The following SBF2 variants were observed in gnomAD, a reference collection of about 807,000 sequenced individuals.
The protein encoded by SBF2 is myotubularin-related protein 13.
SBF2 carries 112 observed loss-of-function variants against 225.2 expected under a neutral mutation model. That is an observed-to-expected ratio of 0.50 (90% CI 0.43 to 0.58). The LOEUF is 0.58. Among genes scored for constraint, SBF2 ranks in the 20% least tolerant of loss-of-function variants. The pLI is 0.00. For missense variants in SBF2, 1,996 were observed against 2,206.2 expected, an observed-to-expected ratio of 0.90 and a Z score of 1.91; for synonymous variants, 763 against 773.3, an observed-to-expected ratio of 0.99 and a Z score of 0.22.
chr11:10,135,420 A>C (rs1335951984), intron 2 of SBF2, among the ~76,000 whole-genome samples: 1 of 152,154 alleles, frequency 6.6e-6, no homozygotes, highest in Non-Finnish European at 1.5e-5. Context: ...AGCTGGCTTG[A>C]ATTTCTCCTT....
chr11:10,283,088 T>C (rs186080555), intron 1 of SBF2, among the ~76,000 whole-genome samples: 37 of 152,332 alleles, frequency 2.4e-4, no homozygotes, highest in African/African-American at 8.7e-4. Flanking sequence ...AGAAGTCTTC[T>C]CTTTTTCCCT....
At chr11:10,128,058 A>G (rs545100078) in intron 2 of SBF2, among the ~76,000 whole-genome samples, 21 of 152,342 alleles carry the variant, frequency 1.4e-4, no homozygotes, top group African/African-American at 4.3e-4. Flanking sequence ...CAGTATTACT[A>G]TTAGAAGTGT....
At chr11:10,111,876 C>CA (rs1565241870) in intron 2 of SBF2, among the ~76,000 whole-genome samples, 1 of 151,722 alleles carries the variant, frequency 6.6e-6, no homozygotes, top group Non-Finnish European at 1.5e-5. Flanking sequence ...GACTCAGTCT[C>CA]AAAAAAACCA....
At chr11:9,989,830 A>G (rs1947348437) in intron 12 of SBF2, among the ~76,000 whole-genome samples, 2 of 152,216 alleles carry the variant, frequency 1.3e-5, no homozygotes, top group African/African-American at 4.8e-5. Context: ...CTTCTAGGGA[A>G]AAGTCATTTC....
intron 1 of SBF2, among the ~76,000 whole-genome samples, chr11:10,223,082 TA>T (rs1958398391): frequency 6.6e-6 from 1 of 152,006 alleles, no homozygotes; most frequent in Non-Finnish European, 1.5e-5. Flanking sequence ...AGAATACAAA[TA>T]AAAAGTAACT....
intron 21 of SBF2, 126 bp from the exon 22 acceptor site, chr11:9,850,344 C>T (rs994114249): frequency 1.6e-5 from 14 of 857,100 alleles, no homozygotes; most frequent in Non-Finnish European, 2.6e-5. Flanking sequence ...CAGCATCAAA[C>T]TCCTGGGCTC....
At chr11:10,080,796 C>T (rs555588937) in intron 2 of SBF2, among the ~76,000 whole-genome samples, 10 of 151,806 alleles carry the variant, frequency 6.6e-5, no homozygotes, top group South Asian at 2.1e-4. Context: ...AAAAATCAAA[C>T]GCAAGCAGAA....
chr11:10,112,515 T>C (rs1448426363), intron 2 of SBF2, among the ~76,000 whole-genome samples: 1 of 152,242 alleles, frequency 6.6e-6, no homozygotes, highest in Non-Finnish European at 1.5e-5. Flanking sequence ...GTAAGTCCAT[T>C]AAACTTCTTT....
chr11:9,860,743 T>C (rs1208555318), intron 17 of SBF2, among the ~76,000 whole-genome samples: 1 of 152,220 alleles, frequency 6.6e-6, no homozygotes, highest in Non-Finnish European at 1.5e-5. Flanking sequence ...CAGCATAACA[T>C]AATCAATGGC....
chr11:10,113,472 T>C (rs759635944), intron 2 of SBF2, among the ~76,000 whole-genome samples: 1 of 152,194 alleles, frequency 6.6e-6, no homozygotes, highest in Non-Finnish European at 1.5e-5. Flanking sequence ...AGAGCAAATA[T>C]AATTATCAAA....
intron 2 of SBF2, among the ~76,000 whole-genome samples, chr11:10,057,851 C>T (rs936957945): frequency 3.9e-5 from 6 of 152,160 alleles, no homozygotes; most frequent in Non-Finnish European, 8.8e-5. Flanking sequence ...GACCAATAAG[C>T]CTAAGTGTCA....
chr11:9,919,921 G>T (rs1863465739), intron 16 of SBF2, among the ~76,000 whole-genome samples: 2 of 151,708 alleles, frequency 1.3e-5, no homozygotes, highest in African/African-American at 4.8e-5. Flanking sequence ...AGTAGAGACA[G>T]GGGTTTCTCC....
intron 16 of SBF2, among the ~76,000 whole-genome samples, chr11:9,900,043 T>TAA (rs1564974879): frequency 0.019 from 1,760 of 92,784 alleles, 26 homozygotes; most frequent in African/African-American, 0.089. Context: ...TTTTTTTTTT[T>TAA]TAAAAAAAAA....
chr11:9,802,602 T>C (rs957028420), intron 32 of SBF2, among the ~76,000 whole-genome samples: 2 of 152,248 alleles, frequency 1.3e-5, no homozygotes, highest in Non-Finnish European at 2.9e-5. Context: ...CCTAGTTCTG[T>C]TGTGTGTCCC....
chr11:10,242,186 A>G lies in SBF2; in HGVS notation c.56-48199T>C, dbSNP rs116713576. ...CCACAAAAATGTGCTGATAAGATAC[A>G]CAACATAAAGAGTCGTTCTGACATA... On this transcript the variant is annotated intron_variant, in intron 1 of 39. Coordinates refer to ENST00000256190, the MANE Select transcript of SBF2 (RefSeq NM_030962.4). 6.2e-3 allele frequency among the ~76,000 whole-genome samples: 946 copies of G among 152,172 alleles called. 9 individuals are homozygous for G. Among genetic ancestry groups the G allele is most frequent in the African/African-American group, 0.022 (898 of 41,536 alleles).
chr11:10,118,509 A>T (rs1161848328), intron 2 of SBF2, among the ~76,000 whole-genome samples: 3 of 145,876 alleles, frequency 2.1e-5, no homozygotes, highest in African/African-American at 7.5e-5. Flanking sequence ...ATTTTAAAAT[A>T]TGGTCAGAGG....
intron 2 of SBF2, among the ~76,000 whole-genome samples, chr11:10,135,606 G>A (rs1293955430): frequency 6.6e-6 from 1 of 152,122 alleles, no homozygotes; most frequent in Non-Finnish European, 1.5e-5. Flanking sequence ...CAAGTTCAAA[G>A]TTCCACAAAT....
chr11:9,960,294 G>C (rs1866479204), intron 16 of SBF2: 1 of 151,964 alleles, frequency 6.6e-6, no homozygotes, highest in African/African-American at 2.4e-5. Flanking sequence ...TTTAACATTG[G>C]CACTAGTTGT....
chr11:10,071,265 C>CTCT (rs1565196407), intron 2 of SBF2, among the ~76,000 whole-genome samples: 2 of 103,068 alleles, frequency 1.9e-5, no homozygotes, highest in Non-Finnish European at 3.8e-5. Context: ...CTCTCTCTCT[C>CTCT]TTTTTTTTTT....
Sources: allele counts gnomAD v4.1 joint callset (sites outside exome capture counted in the v4.1 genomes callset), GRCh38; gene constraint gnomAD v4.1.1; transcripts MANE v1.5; gene names NCBI Gene and HGNC (gene_info 2026-07-23, HGNC 2026-07-21).